The following CTNNA3 variants were observed in gnomAD, a reference collection of about 807,000 sequenced individuals.
CTNNA3 encodes catenin alpha 3, also known as catenin alpha-3.
In CTNNA3, 76 loss-of-function variants were observed where a neutral mutation model predicts 95.7. The ratio of observed to expected loss-of-function variants is 0.79; its 90% CI spans 0.66 to 0.96. The LOEUF (loss-of-function observed/expected upper bound fraction) is 0.96. Among genes scored for constraint, CTNNA3 ranks in the 40% least tolerant of loss-of-function variants. CTNNA3 has a pLI of 0.00. For synonymous variants in CTNNA3, 431 were observed against 374.4 expected, an observed-to-expected ratio of 1.15 and a Z score of -1.74; for missense variants, 1,191 against 1,089.8, an observed-to-expected ratio of 1.09 and a Z score of -1.31.
chr10:67,717,600 T>A (rs1841151885), intron 1 of CTNNA3, among the ~76,000 whole-genome samples: 1 of 152,184 alleles, frequency 6.6e-6, no homozygotes, highest in African/African-American at 2.4e-5. Context: ...CTTGTTTTTG[T>A]CGGGTTTGTC....
intron 17 of CTNNA3, among the ~76,000 whole-genome samples, chr10:65,960,332 C>T (rs548239436): frequency 5.3e-5 from 8 of 151,552 alleles, no homozygotes; most frequent in Non-Finnish European, 7.4e-5. Flanking sequence ...GTCAGGAGGT[C>T]GAGACCACGG....
chr10:66,507,929 T>C (rs1054632693), intron 11 of CTNNA3, among the ~76,000 whole-genome samples: 1 of 147,548 alleles, frequency 6.8e-6, no homozygotes, highest in African/African-American at 2.5e-5. Context: ...ACCTCAATAG[T>C]ATTTTCCATA....
intron 6 of CTNNA3, among the ~76,000 whole-genome samples, chr10:67,217,362 A>G (rs1007158047): frequency 2.0e-5 from 3 of 152,262 alleles, no homozygotes; most frequent in African/African-American, 7.2e-5. Flanking sequence ...TAACTTGGAT[A>G]TAAAAAATAT....
intron 12 of CTNNA3, among the ~76,000 whole-genome samples, chr10:66,332,054 A>G (rs374287541): frequency 2.0e-5 from 3 of 151,852 alleles, no homozygotes; most frequent in East Asian, 3.9e-4. Context: ...TTTGTCTGTT[A>G]TTGGTGTATA....
intron 7 of CTNNA3, among the ~76,000 whole-genome samples, chr10:66,913,119 G>C (rs986599265): frequency 6.6e-6 from 1 of 151,456 alleles, no homozygotes; most frequent in African/African-American, 2.4e-5. Context: ...GGCGCCTGTA[G>C]TCCCAGCTAC....
intron 3 of CTNNA3, among the ~76,000 whole-genome samples, chr10:67,586,533 G>A (rs550106460): frequency 6.6e-6 from 1 of 152,068 alleles, no homozygotes; most frequent in South Asian, 2.1e-4. Context: ...TTCTCTTCCT[G>A]AATTGATCCC....
At chr10:67,371,158 G>A (rs1170673867) in intron 5 of CTNNA3, among the ~76,000 whole-genome samples, 2 of 151,782 alleles carry the variant, frequency 1.3e-5, no homozygotes, top group African/African-American at 4.8e-5. Context: ...GAGCCACCGC[G>A]CCCGGCCAAG....
At chr10:66,870,011 G>A (rs1844336073) in intron 7 of CTNNA3, among the ~76,000 whole-genome samples, 1 of 152,064 alleles carries the variant, frequency 6.6e-6, no homozygotes, top group African/African-American at 2.4e-5. Context: ...ACATACTACT[G>A]TCAGGTTAAC....
intron 7 of CTNNA3, among the ~76,000 whole-genome samples, chr10:67,039,672 C>G (rs1233629324): frequency 2.0e-5 from 3 of 151,998 alleles, no homozygotes; most frequent in South Asian, 4.1e-4. Context: ...TGACAGAACA[C>G]CAGCATTATG....
chr10:65,989,250 T>G (rs1394557475), intron 15 of CTNNA3, among the ~76,000 whole-genome samples: 1 of 152,200 alleles, frequency 6.6e-6, no homozygotes, highest in Non-Finnish European at 1.5e-5. Context: ...GCTGTTGGTT[T>G]TAATATTTTG....
At chr10:67,562,221 A>G (rs1001393955) in intron 3 of CTNNA3, among the ~76,000 whole-genome samples, 1 of 152,226 alleles carries the variant, frequency 6.6e-6, no homozygotes, top group South Asian at 2.1e-4. Context: ...CTTGATGAAC[A>G]TTGATACAAA....
chr10:67,268,357 A>AT (rs776306563), intron 5 of CTNNA3, among the ~76,000 whole-genome samples: 14,479 of 135,808 alleles, frequency 0.11, 1,436 homozygotes, highest in African/African-American at 0.29. Context: ...ATTAAATTAA[A>AT]TAAATAAATA....
chr10:65,927,046 AT>A (rs1310461313), intron 17 of CTNNA3, among the ~76,000 whole-genome samples: 8 of 151,762 alleles, frequency 5.3e-5, no homozygotes, highest in South Asian at 2.1e-4. Context: ...TTACTTTTTC[AT>A]TTTTTTTAAT....
chr10:66,139,332 CT>C (rs199888128), intron 13 of CTNNA3, among the ~76,000 whole-genome samples: 1,756 of 152,266 alleles, frequency 0.012, 65 homozygotes, highest in East Asian at 0.081. Context: ...AAGATTACCC[CT>C]GATGCCATTT....
chr10:67,161,369 A>G (rs1381624269), intron 7 of CTNNA3, among the ~76,000 whole-genome samples: 2 of 151,668 alleles, frequency 1.3e-5, no homozygotes, highest in African/African-American at 4.8e-5. Flanking sequence ...ATATACATAA[A>G]ACAAATATTT....
chr10:65,973,470 G>A (rs539928339), intron 16 of CTNNA3, among the ~76,000 whole-genome samples: 1 of 152,200 alleles, frequency 6.6e-6, no homozygotes, highest in East Asian at 1.9e-4. Context: ...TACTATCCAG[G>A]ATCTATAAGG....
At chr10:66,745,073 A>G (rs891857696) in intron 9 of CTNNA3, among the ~76,000 whole-genome samples, 2 of 152,184 alleles carry the variant, frequency 1.3e-5, no homozygotes, top group Non-Finnish European at 2.9e-5. Context: ...TCACCTGTTC[A>G]CAGCCAGCTC....
At chr10:67,734,006 C>T (rs1841289619) in intron 1 of CTNNA3, among the ~76,000 whole-genome samples, 2 of 152,116 alleles carry the variant, frequency 1.3e-5, no homozygotes, top group East Asian at 1.9e-4. Context: ...ATTTTAAAGC[C>T]TCATAACAAC....
At chr10:67,327,723 T>G (rs1037503058) in intron 5 of CTNNA3, among the ~76,000 whole-genome samples, 9 of 152,192 alleles carry the variant, frequency 5.9e-5, no homozygotes, top group African/African-American at 2.2e-4. Flanking sequence ...CAAGTGCCAG[T>G]AGCAGCAGTA....
Sources: allele counts gnomAD v4.1 joint callset (sites outside exome capture counted in the v4.1 genomes callset), GRCh38; gene constraint gnomAD v4.1.1; transcripts MANE v1.5; gene names NCBI Gene and HGNC (gene_info 2026-07-23, HGNC 2026-07-21).